BMPR2: variants seen among roughly 807,000 people sequenced by gnomAD.
BMPR2 encodes the protein bone morphogenetic protein receptor type-2.
BMPR2 carries 29 observed loss-of-function variants against 100.8 expected under a neutral mutation model. The ratio of observed to expected loss-of-function variants is 0.29; its 90% confidence interval spans 0.21 to 0.39. The LOEUF (loss-of-function observed/expected upper bound fraction) is 0.39. Ranked by LOEUF, BMPR2 falls within the 10% of genes least tolerant of loss-of-function variation. BMPR2 has a pLI of 1.00. For missense variants in BMPR2, 1,011 were observed against 1,274.5 expected (o/e 0.79, Z 3.15); for synonymous variants, 382 against 442.3 (o/e 0.86, Z 1.71).
intron 12 of BMPR2, among the ~76,000 whole-genome samples, chr2:202,558,658 C>T (rs1299239746): frequency 6.6e-6 from 1 of 151,956 alleles, no homozygotes; most frequent in Non-Finnish European, 1.5e-5. Context: ...CTTTGGGAGG[C>T]TGAGGCGGGC....
chr2:202,413,665 A>C (rs1691061470), intron 1 of BMPR2, among the ~76,000 whole-genome samples: 1 of 151,618 alleles, frequency 6.6e-6, no homozygotes, highest in African/African-American at 2.4e-5. Context: ...GTTATTAATT[A>C]TATTACTTTT....
At position 202,513,732 on chromosome 2, in the gene BMPR2, A is replaced by G; in HGVS notation, c.432A>G (p.Ser144=). 6.2e-7 allele frequency: 1 copy of G among 1,612,976 alleles called. No homozygotes were observed. ...GTTTTCTTTTAGGTCCACCTCATTC[A>G]TTTAACCGAGATGAGACAATAATCA... ...PDTTPLSPPH[S]FNRDETIIIA... Residue 144 remains serine (S), a synonymous_variant, in exon 4 of 13, where the codon TCA becomes TCG. Transcript: ENST00000374580.
intron 3 of BMPR2, among the ~76,000 whole-genome samples, chr2:202,490,875 A>C (rs909581479): frequency 5.9e-5 from 9 of 152,118 alleles, no homozygotes; most frequent in Admixed American, 5.9e-4. Flanking sequence ...TCACTATATA[A>C]GGAGTATGGT....
chr2:202,412,912 CTG>C (rs34767100), intron 1 of BMPR2, among the ~76,000 whole-genome samples: 64 of 149,986 alleles, frequency 4.3e-4, no homozygotes, highest in South Asian at 8.5e-4. Flanking sequence ...GTACTATATG[CTG>C]TGTGTGTGTG....
At position 202,514,873 on chromosome 2, in the gene BMPR2, T is replaced by G; in HGVS notation, c.530-15T>G. On this transcript the variant is annotated splice_polypyrimidine_tract_variant and intron_variant, in intron 4 of 12. Coordinates refer to ENST00000374580, the MANE Select transcript of BMPR2 (RefSeq NM_001204.7). ...AGAAAACCATATATTAGTAACCTGT[T>G]TCCTGTTCTTATAGGAGACCGTAAA... The G allele has an allele frequency of 6.2e-7, 1 of 1,605,034 alleles. No homozygotes were observed. The highest frequency in any genetic ancestry group is 8.5e-7 in the Non-Finnish European group (1 of 1,171,802).
chr2:202,409,856 TA>T (rs35210737), intron 1 of BMPR2, among the ~76,000 whole-genome samples: 18,883 of 152,166 alleles, frequency 0.12, 1,256 homozygotes, highest in Admixed American at 0.14. Flanking sequence ...TATATATACT[TA>T]ACAGTAAACA....
intron 3 of BMPR2, among the ~76,000 whole-genome samples, chr2:202,470,281 G>T (rs1692409253): frequency 6.6e-6 from 1 of 152,116 alleles, no homozygotes; most frequent in Non-Finnish European, 1.5e-5. Context: ...GGCGGAGGTT[G>T]CAGTGAGCCG....
chr2:202,531,548 C>A (rs551296273), intron 8 of BMPR2, among the ~76,000 whole-genome samples: 1 of 152,138 alleles, frequency 6.6e-6, no homozygotes, highest in Non-Finnish European at 1.5e-5. Context: ...CAGTGTGGAA[C>A]GTATCCTTCC....
chr2:202,522,806 G>T (rs146387546), intron 7 of BMPR2, among the ~76,000 whole-genome samples: 38 of 152,078 alleles, frequency 2.5e-4, no homozygotes, highest in African/African-American at 8.9e-4. Context: ...CTTCAGCCTG[G>T]GTGACAGAGT....
chr2:202,535,237 C>G (rs1157465134), intron 9 of BMPR2, among the ~76,000 whole-genome samples: 1 of 151,964 alleles, frequency 6.6e-6, no homozygotes, highest in African/African-American at 2.4e-5. Context: ...AGACACTCCT[C>G]ACTTCCCAGA....
intron 9 of BMPR2, among the ~76,000 whole-genome samples, chr2:202,533,764 A>C (rs1688071448): frequency 1.3e-5 from 2 of 152,206 alleles, no homozygotes; most frequent in South Asian, 2.1e-4. Flanking sequence ...CGGAGGTTGC[A>C]GTGAGCTGAG....
At chr2:202,540,195 G>A (rs1053827570) in intron 9 of BMPR2, among the ~76,000 whole-genome samples, 9 of 152,066 alleles carry the variant, frequency 5.9e-5, no homozygotes, top group Non-Finnish European at 7.4e-5. Flanking sequence ...TTAAAAGAGT[G>A]AAATTGTGAA....
intron 11 of BMPR2, among the ~76,000 whole-genome samples, 173 bp from the exon 12 acceptor site, chr2:202,555,079 A>T (rs947482887): frequency 1.3e-5 from 2 of 152,196 alleles, no homozygotes; most frequent in African/African-American, 4.8e-5. Context: ...AACACTTATC[A>T]AGTTATTAAT....
intron 1 of BMPR2, among the ~76,000 whole-genome samples, chr2:202,396,998 T>C (rs575625054): frequency 2.6e-5 from 4 of 152,158 alleles, no homozygotes; most frequent in Admixed American, 2.6e-4. Flanking sequence ...GGTTTCTCCA[T>C]GTTAGTCATG....
intron 1 of BMPR2, among the ~76,000 whole-genome samples, chr2:202,457,555 TATATATAGAGAGAG>T (rs71035008): frequency 0.045 from 4,523 of 99,922 alleles, 94 homozygotes; most frequent in Admixed American, 0.066. Context: ...TATATATATA[TATATATAGAGAGAG>T]AGAGAGAGAG....
intron 7 of BMPR2, among the ~76,000 whole-genome samples, chr2:202,527,741 T>G (rs1176818045): frequency 6.6e-6 from 1 of 151,300 alleles, no homozygotes; most frequent in African/African-American, 2.4e-5. Context: ...GAGCCGACAT[T>G]GCGCCACTGC....
rs1690145118 is a variant in BMPR2 at position 202,376,508 on chromosome 2, A to C, written c.-967A>C. ...GTCAGGAGCCCAGAGCTGCGGGAGA[A>C]CGAGGCGGCGGCGGCGGCGGCGGCG... On this transcript the variant is annotated 5_prime_UTR_variant, in exon 1 of 13. Coordinates refer to ENST00000374580, the MANE Select transcript of BMPR2 (RefSeq NM_001204.7). Among the ~76,000 whole-genome samples the C allele has an allele frequency of 1.6e-5, 2 of 121,358 alleles. No individual in the cohort carries two copies. Among genetic ancestry groups the C allele is most frequent in the South Asian group, 3.4e-4 (1 of 2,904 alleles). The allele number at this position is 121,358 out of a possible 152,430, so 79.6% of individuals were successfully genotyped here. A position where few individuals can be genotyped will look rare whatever the true frequency, so the allele number is the denominator to read the frequency against.
rs1299366177 is a variant in BMPR2 at position 202,564,663 on chromosome 2, G to T, written c.*4717G>T. 1.3e-5 allele frequency: 2 copies of T among 152,306 alleles called. No homozygotes were observed. Among genetic ancestry groups the T allele is most frequent in the African/African-American group, 4.8e-5 (2 of 41,578 alleles). 9.4% of individuals were successfully genotyped at this position (152,306 alleles called of 1,614,324 possible). On this transcript the variant is annotated 3_prime_UTR_variant, in exon 13 of 13. Coordinates refer to ENST00000374580, the MANE Select transcript of BMPR2 (RefSeq NM_001204.7). ...AGTTACATAAAATTTGTTATCAAGA[G>T]AAGGCTTTTCTACAAGTTTCCAGAT...
chr2:202,448,266 G>T (rs188625998), intron 1 of BMPR2, among the ~76,000 whole-genome samples: 2 of 150,746 alleles, frequency 1.3e-5, no homozygotes, highest in Admixed American at 6.6e-5. Flanking sequence ...TGGCTAACAT[G>T]GTGAAACCCC....
Sources: gnomAD v4.1 joint callset for allele counts (sites outside exome capture counted in the v4.1 genomes callset) on GRCh38, gnomAD v4.1.1 for gene constraint, MANE v1.5 for transcripts, NCBI Gene and HGNC (gene_info 2026-07-23, HGNC 2026-07-21) for gene names.